The following STAM variants were observed in gnomAD, a reference collection of about 807,000 sequenced individuals.
STAM encodes signal transducing adaptor molecule, also known as signal transducing adapter molecule 1.
Under a neutral mutation model 63.4 loss-of-function variants are expected in STAM, and 16 were observed. The observed-to-expected ratio is 0.25, with a 90% CI of 0.17 to 0.38. STAM has a LOEUF of 0.38. Ranked by LOEUF, STAM falls within the 10% of genes least tolerant of loss-of-function variation. The pLI, the probability that STAM is intolerant of heterozygous loss-of-function variation, is 1.00. For missense variants in STAM, 636 were observed against 657.1 expected (o/e 0.97, Z 0.35); for synonymous variants, 238 against 223.9 (o/e 1.06, Z -0.56).
At position 17,696,729 on chromosome 10, in the gene STAM, A is replaced by G. The variant is rs782473176; in HGVS notation, c.729-46A>G. ...CTACAAAAGATAAAGATGTACAGAAATAAATACATTTGTTATGGTAAAGCA... is the reference window on the plus strand; with the variant it reads ...CTACAAAAGATAAAGATGTACAGAAGTAAATACATTTGTTATGGTAAAGCA... On this transcript the variant is annotated intron_variant, in intron 7 of 13. Coordinates refer to ENST00000377524, the MANE Select transcript of STAM (RefSeq NM_003473.4). 6 of 1,372,254 alleles carry G rather than the reference A, an allele frequency of 4.4e-6. No individual in the cohort carries two copies. In the African/African-American group the frequency reaches 8.6e-5, roughly 20 times the overall value. 85.0% of individuals were successfully genotyped at this position (1,372,254 alleles called of 1,614,324 possible).
intron 1 of STAM, among the ~76,000 whole-genome samples, chr10:17,654,642 A>G (rs1833869776): frequency 6.6e-6 from 1 of 152,226 alleles, no homozygotes; most frequent in Admixed American, 6.5e-5. Context: ...TTATTGAAAT[A>G]ATTCCCCAAA....
chr10:17,714,858 T>A lies in STAM; in HGVS notation c.*78T>A, dbSNP rs1836741371. On this transcript the variant is annotated 3_prime_UTR_variant, in exon 14 of 14. Coordinates refer to ENST00000377524, the MANE Select transcript of STAM (RefSeq NM_003473.4). ...TATGAGATTCATTACTATCTTAAGATGTGTTTATCCTCAGCTTATAGGAAT... is the reference window on the plus strand; with the variant it reads ...TATGAGATTCATTACTATCTTAAGAAGTGTTTATCCTCAGCTTATAGGAAT... 1 of 1,331,968 alleles carries A rather than the reference T, an allele frequency of 7.5e-7. No homozygotes were observed. The highest frequency in any genetic ancestry group is 1.7e-5 in the Admixed American group (1 of 59,158). 82.5% of individuals were successfully genotyped at this position (1,331,968 alleles called of 1,614,324 possible). A position where few individuals can be genotyped will look rare whatever the true frequency, so the allele number is the denominator to read the frequency against.
chr10:17,648,008 C>T (rs1833583891), intron 1 of STAM, among the ~76,000 whole-genome samples: 1 of 149,514 alleles, frequency 6.7e-6, no homozygotes. Flanking sequence ...TTGCCCTTCT[C>T]AGTAGACGAC....
At chr10:17,663,288 AT>A (rs11307472) in intron 2 of STAM, among the ~76,000 whole-genome samples, 17,502 of 151,880 alleles carry the variant, frequency 0.12, 1,108 homozygotes, top group Middle Eastern at 0.16. Context: ...CTTTAAAAAT[AT>A]TTTTTGTCTT....
At chr10:17,676,379 G>T (rs1554824659) in intron 2 of STAM, among the ~76,000 whole-genome samples, 1 of 152,136 alleles carries the variant, frequency 6.6e-6, no homozygotes, top group Non-Finnish European at 1.5e-5. Context: ...GTTGAGATAG[G>T]AGTAATACTG....
At chr10:17,680,332 CAATT>C (rs1229626957) in intron 2 of STAM, among the ~76,000 whole-genome samples, 9 of 151,958 alleles carry the variant, frequency 5.9e-5, no homozygotes, top group African/African-American at 2.2e-4. Context: ...ACCCATTAAA[CAATT>C]AAACAATAAC....
At position 17,714,569 on chromosome 10, in the gene STAM, A is replaced by T; in HGVS notation, c.1412A>T (p.Asn471Ile). The change falls in exon 14 of 14, where the codon AAC becomes ATC. Residue 471 changes from asparagine (N) to isoleucine (I), a missense_variant. By Grantham distance (149) the Asn-to-Ile change is moderately radical. Coordinates refer to ENST00000377524, the MANE Select transcript of STAM (RefSeq NM_003473.4). ...PNTMVSSVQG[N>I]TYPSQAPVYS... ...ACAATGGTCAGTTCCGTTCAAGGAA[A>T]CACATATCCCAGCCAGGCGCCAGTA... 6.2e-7 allele frequency: 1 copy of T among 1,614,184 alleles called. No individual in the cohort carries two copies. The highest frequency in any genetic ancestry group is 8.5e-7 in the Non-Finnish European group (1 of 1,180,046).
In STAM at chr10:17,655,627, C is replaced by G. The variant is rs531446948; in HGVS notation, c.41-4837C>G. The stretch of plus-strand genomic sequence containing the variant: ...CGTACTTCTGCTCTCAGTAGTAGGT[C>G]AAAATGAGGAAATAAGTGTACTCTG... On this transcript the variant is annotated intron_variant, in intron 1 of 13. Transcript: ENST00000377524. Among the ~76,000 whole-genome samples, 8 of 152,200 alleles carry G rather than the reference C, an allele frequency of 5.3e-5. No homozygotes were observed. The South Asian group carries it at 1.0e-3, about 20-fold the overall frequency.
rs559214469 is a variant in STAM, at chr10:17,714,965, C to G, written c.*185C>G. The G allele has an allele frequency of 3.6e-4, 214 of 601,282 alleles. 2 individuals carry two copies. Among genetic ancestry groups the G allele is most frequent in the East Asian group, 1.6e-3 (58 of 35,332 alleles). The allele number at this position is 601,282 out of a possible 1,614,324, so 37.2% of individuals were successfully genotyped here. A position where few individuals can be genotyped will look rare whatever the true frequency, so the allele number is the denominator to read the frequency against. Reference sequence around the variant, plus strand: ...CTGACTTTTTAGAGGTTCTTCCCCCCCCGCCCCTGCAGAGGAATGAAACTA... The same window carrying G: ...CTGACTTTTTAGAGGTTCTTCCCCCGCCGCCCCTGCAGAGGAATGAAACTA... On this transcript the variant is annotated 3_prime_UTR_variant, in exon 14 of 14. Transcript: ENST00000377524.
chr10:17,710,662 G>C (rs1836515093), intron 13 of STAM, among the ~76,000 whole-genome samples: 1 of 152,046 alleles, frequency 6.6e-6, no homozygotes, highest in South Asian at 2.1e-4. Context: ...CTTTTTACTT[G>C]TTTGTATCCC....
chr10:17,656,422 C>T, intron 1 of STAM, among the ~76,000 whole-genome samples: 1 of 151,910 alleles, frequency 6.6e-6, no homozygotes, highest in Non-Finnish European at 1.5e-5. Context: ...TTTAACTTCA[C>T]TGTAGGTTGG....
At chr10:17,713,482 A>C in intron 13 of STAM, among the ~76,000 whole-genome samples, 1 of 152,168 alleles carries the variant, frequency 6.6e-6, no homozygotes, top group Non-Finnish European at 1.5e-5. Flanking sequence ...CAGATCCAAG[A>C]TTATTACTTT....
At chr10:17,644,545 G>T (rs1833444573) in intron 1 of STAM, among the ~76,000 whole-genome samples, 166 bp downstream of exon 1, 1 of 152,132 alleles carries the variant, frequency 6.6e-6, no homozygotes, top group African/African-American at 2.4e-5. Flanking sequence ...AGGGCTTGGC[G>T]CATCCTCTTT....
chr10:17,684,969 T>G (rs1835236136), intron 4 of STAM, 42 bp downstream of exon 4: 1 of 1,487,150 alleles, frequency 6.7e-7, no homozygotes, highest in Non-Finnish European at 9.3e-7. Context: ...GGCAGTCTTC[T>G]TTCTTCACAT....
At chr10:17,651,757 A>G (rs1554821584) in intron 1 of STAM, among the ~76,000 whole-genome samples, 2 of 152,194 alleles carry the variant, frequency 1.3e-5, no homozygotes, top group Non-Finnish European at 2.9e-5. Context: ...TTGATTTGCA[A>G]AGAGGATAAT....
intron 13 of STAM, among the ~76,000 whole-genome samples, chr10:17,714,187 C>T (rs1296481904): frequency 6.6e-6 from 1 of 152,156 alleles, no homozygotes; most frequent in Non-Finnish European, 1.5e-5. Flanking sequence ...TCTTTGTCCT[C>T]CGTATTGGGC....
chr10:17,693,439 A>G, intron 6 of STAM, 127 bp downstream of exon 6: 2 of 685,674 alleles, frequency 2.9e-6, no homozygotes, highest in South Asian at 2.4e-5. Context: ...CCTCCTCAGT[A>G]TTCTTTGCTT....
intron 1 of STAM, among the ~76,000 whole-genome samples, chr10:17,647,389 A>G (rs2255065): frequency 0.078 from 11,903 of 152,218 alleles, 553 homozygotes; most frequent in Admixed American, 0.12. Context: ...TCAGGACACC[A>G]AACTTTTTCT....
chr10:17,669,133 T>G (rs1834522121), intron 2 of STAM, among the ~76,000 whole-genome samples: 1 of 152,218 alleles, frequency 6.6e-6, no homozygotes, highest in Non-Finnish European at 1.5e-5. Flanking sequence ...GGTTCTAACT[T>G]TATTCTTTTC....
Sources: allele counts gnomAD v4.1 joint callset (sites outside exome capture counted in the v4.1 genomes callset), GRCh38; gene constraint gnomAD v4.1.1; transcripts MANE v1.5; gene names NCBI Gene and HGNC (gene_info 2026-07-23, HGNC 2026-07-21).